RASGEF1C: variants seen among roughly 807,000 people sequenced by gnomAD.
The protein encoded by RASGEF1C is RasGEF domain family member 1C, also known as ras-GEF domain-containing family member 1C.
A neutral mutation model predicts 58.1 loss-of-function variants in RASGEF1C; 27 were observed. That is an observed-to-expected ratio of 0.46 (90% confidence interval 0.34 to 0.64). The LOEUF (loss-of-function observed/expected upper bound fraction) is 0.64. Ranked by LOEUF, RASGEF1C falls within the 30% of genes least tolerant of loss-of-function variation. The pLI is 0.01. For missense variants in RASGEF1C, 502 were observed against 605.1 expected (o/e 0.83, Z 1.79); for synonymous variants, 243 against 246.3 (o/e 0.99, Z 0.13).
chr5:180,119,943 T>G (rs1766139639), intron 7 of RASGEF1C, among the ~76,000 whole-genome samples: 2 of 152,060 alleles, frequency 1.3e-5, no homozygotes, highest in Non-Finnish European at 2.9e-5. Context: ...TTCAGACCCC[T>G]GTGATGCGCA....
intron 6 of RASGEF1C, among the ~76,000 whole-genome samples, chr5:180,126,983 TG>T (rs1399033628): frequency 2.2e-4 from 2 of 9,242 alleles, no homozygotes; most frequent in Admixed American, 5.2e-3. Flanking sequence ...ATCTGAGAAG[TG>T]AAAAATGCAA....
Position 180,197,765 on chromosome 5 carries a change from C to T in RASGEF1C, c.-7+11263G>A, listed in dbSNP as rs1045070033. ...GTCACAGAGAGCAGTGGTCATTTTA[C>T]TATGTATTATTTAGCCAGATTGGCA... On this transcript the variant is annotated intron_variant, in intron 1 of 13. Coordinates refer to ENST00000361132, the MANE Select transcript of RASGEF1C (RefSeq NM_175062.4). The surrounding 1 kb of genome is among the most constrained non-coding windows in gnomAD (Gnocchi z 4.7). Among the ~76,000 whole-genome samples, 14 of 152,188 alleles carry T rather than the reference C, an allele frequency of 9.2e-5. No homozygotes were observed. The highest frequency in any genetic ancestry group is 3.4e-4 in the African/African-American group (14 of 41,442).
rs1756557250 is a variant in RASGEF1C at position 180,209,157 on chromosome 5, G to GCT, written c.-137_-136insAG. The GCT allele has an allele frequency of 2.1e-5, 3 of 144,136 alleles. No homozygotes were observed. Among genetic ancestry groups the GCT allele is most frequent in the Non-Finnish European group, 4.6e-5 (3 of 65,238 alleles). The allele number at this position is 144,136 out of a possible 1,614,324, so 8.9% of individuals were successfully genotyped here. ...CCGCCGCCGCCGCCGCCGCCCGACC[G>GCT]CCCGGCTCCCAGCGCAGCCCGCACG... On this transcript the variant is annotated 5_prime_UTR_variant, in exon 1 of 14. Transcript: ENST00000361132.
intron 12 of RASGEF1C, among the ~76,000 whole-genome samples, chr5:180,110,764 TAC>T (rs1765947553): frequency 2.0e-5 from 3 of 152,154 alleles, no homozygotes; most frequent in South Asian, 4.1e-4. Flanking sequence ...CGTACACGCC[TAC>T]ACAGTCAGTG....
intron 1 of RASGEF1C, among the ~76,000 whole-genome samples, chr5:180,157,459 TA>T (rs55833450): frequency 0.11 from 16,487 of 148,130 alleles, 1,056 homozygotes; most frequent in African/African-American, 0.18. Context: ...CTGTCTCTAC[TA>T]AAAAAAAAAA....
chr5:180,175,507 C>T (rs1226134765), intron 1 of RASGEF1C, among the ~76,000 whole-genome samples: 2 of 152,190 alleles, frequency 1.3e-5, no homozygotes, highest in African/African-American at 4.8e-5. Flanking sequence ...GGCTCAGGAC[C>T]CTCAGGCCAT....
intron 1 of RASGEF1C, among the ~76,000 whole-genome samples, chr5:180,138,998 C>G (rs1418343367): frequency 6.6e-6 from 1 of 152,148 alleles, no homozygotes; most frequent in Non-Finnish European, 1.5e-5. Context: ...TGTTGGGTGC[C>G]TGGGTGCTGC....
intron 1 of RASGEF1C, among the ~76,000 whole-genome samples, chr5:180,149,227 A>G (rs1346791539): frequency 6.6e-6 from 1 of 151,412 alleles, no homozygotes; most frequent in African/African-American, 2.4e-5. Context: ...AGTTGGGACT[A>G]CAGGTACACA....
At chr5:180,170,382 C>T (rs558815355) in intron 1 of RASGEF1C, among the ~76,000 whole-genome samples, 1 of 152,236 alleles carries the variant, frequency 6.6e-6, no homozygotes, top group Non-Finnish European at 1.5e-5. Context: ...CTATTTACCA[C>T]GAGAATGAAT....
chr5:180,141,636 G>A (rs145718909), intron 1 of RASGEF1C, among the ~76,000 whole-genome samples: 1 of 152,134 alleles, frequency 6.6e-6, no homozygotes, highest in East Asian at 1.9e-4. Context: ...GTTCCACCAC[G>A]ATATGAAGGT....
intron 1 of RASGEF1C, among the ~76,000 whole-genome samples, chr5:180,188,276 A>G (rs770479918): frequency 6.6e-6 from 1 of 152,236 alleles, no homozygotes; most frequent in Non-Finnish European, 1.5e-5. Flanking sequence ...TATCCAGAAT[A>G]GGTACATACA....
intron 1 of RASGEF1C, among the ~76,000 whole-genome samples, chr5:180,200,467 G>A (rs920895679): frequency 3.8e-4 from 58 of 151,354 alleles, no homozygotes; most frequent in African/African-American, 1.3e-3. Flanking sequence ...CCGCCACCAC[G>A]CCAGGCTAAT....
At chr5:180,208,730 G>C (rs1043991972) in intron 1 of RASGEF1C, among the ~76,000 whole-genome samples, 4 of 152,116 alleles carry the variant, frequency 2.6e-5, no homozygotes, top group Non-Finnish European at 5.9e-5. Context: ...TGCCACTCTA[G>C]CGGCTGAAAG....
chr5:180,149,078 CTTTTT>C (rs1281032542), intron 1 of RASGEF1C, among the ~76,000 whole-genome samples: 2 of 97,154 alleles, frequency 2.1e-5, no homozygotes, highest in African/African-American at 3.7e-5. Context: ...TTTTTCTTTT[CTTTTT>C]TTTTCTTTTT....
At chr5:180,117,723 G>T (rs535502805) in intron 10 of RASGEF1C, among the ~76,000 whole-genome samples, 77 of 152,310 alleles carry the variant, frequency 5.1e-4, no homozygotes, top group African/African-American at 1.9e-3. Flanking sequence ...GCTGGGCGCA[G>T]TGGCTCACGC....
chr5:180,165,682 A>AT, intron 1 of RASGEF1C, among the ~76,000 whole-genome samples: 2 of 105,260 alleles, frequency 1.9e-5, no homozygotes, highest in East Asian at 4.6e-4. Flanking sequence ...AAAAAAAAAA[A>AT]AATTCTTGTT....
At chr5:180,121,665 ACACACACACACACACAC>A (rs1294370710) in intron 6 of RASGEF1C, among the ~76,000 whole-genome samples, 21 of 87,644 alleles carry the variant, frequency 2.4e-4, no homozygotes, top group African/African-American at 9.5e-4. Flanking sequence ...ACACACACAC[ACACACACACACACACAC>A]CCTCATTATT....
At chr5:180,102,539 T>C (rs1050264051) in intron 12 of RASGEF1C, among the ~76,000 whole-genome samples, 13 of 152,212 alleles carry the variant, frequency 8.5e-5, no homozygotes, top group Admixed American at 8.5e-4. Context: ...TACATTTTAG[T>C]CTGTGATCCA....
chr5:180,203,416 C>T (rs1332106193), intron 1 of RASGEF1C, among the ~76,000 whole-genome samples: 1 of 152,196 alleles, frequency 6.6e-6, no homozygotes, highest in East Asian at 1.9e-4. Context: ...GTGACCCTAA[C>T]AAGTTGAGGT....
Sources: gnomAD v4.1 joint callset for allele counts (sites outside exome capture counted in the v4.1 genomes callset) on GRCh38, gnomAD v4.1.1 for gene constraint, Gnocchi (gnomAD v3.1) non-coding constraint, MANE v1.5 for transcripts, NCBI Gene and HGNC (gene_info 2026-07-23, HGNC 2026-07-21) for gene names.